The following PHF3 variants were observed in gnomAD, a reference collection of about 807,000 sequenced individuals.
The protein encoded by PHF3 is PHD finger protein 3.
In PHF3, 41 loss-of-function variants were observed where a neutral mutation model predicts 178.4. That is an observed-to-expected ratio of 0.23 (90% CI 0.18 to 0.30). The LOEUF (loss-of-function observed/expected upper bound fraction) is 0.30. PHF3 is among the 10% of genes least tolerant of loss of function. The pLI, the probability that PHF3 is intolerant of heterozygous loss-of-function variation, is 1.00. For synonymous variants in PHF3, 842 were observed against 800.5 expected (o/e 1.05, Z -0.88); for missense variants, 2,346 against 2,398.1 (o/e 0.98, Z 0.45).
chr6:63,706,422 G>A (rs879143482), intron 12 of PHF3, among the ~76,000 whole-genome samples, 198 bp downstream of exon 12: 3 of 152,152 alleles, frequency 2.0e-5, no homozygotes, highest in South Asian at 2.1e-4. Flanking sequence ...AGATTGGAGC[G>A]TGTGGGGAAA....
intron 4 of PHF3, among the ~76,000 whole-genome samples, chr6:63,688,197 A>T (rs1287983264): frequency 9.1e-6 from 1 of 110,322 alleles, no homozygotes; most frequent in East Asian, 2.7e-4. Flanking sequence ...AAAAAAAAAA[A>T]AAAGCCTATG....
chr6:63,684,991 G>T lies in PHF3; in HGVS notation c.1269G>T (p.Val423=), dbSNP rs769325218. ...STEFNKSNLE[V]VDTSTFGPES... ...AGTTTAATAAATCAAACTTAGAGGTGGTTGATACTAGTACTTTTGGACCGG... is the reference window on the plus strand; with the variant it reads ...AGTTTAATAAATCAAACTTAGAGGTTGTTGATACTAGTACTTTTGGACCGG... Residue 423 remains valine (V), a synonymous_variant, in exon 4 of 16, where the codon GTG becomes GTT. Transcript: ENST00000262043. 1.5e-5 allele frequency: 24 copies of T among 1,613,906 alleles called. No individual in the cohort carries two copies. The highest frequency in any genetic ancestry group is 2.0e-5 in the Non-Finnish European group (24 of 1,179,966).
At position 63,685,240 on chromosome 6, in the gene PHF3, G is replaced by T. The variant is rs149984169; in HGVS notation, c.1518G>T (p.Pro506=). The T allele has an allele frequency of 9.9e-6, 16 of 1,613,688 alleles. No individual in the cohort carries two copies. The African/African-American group carries it at 2.1e-4, about 22-fold the overall frequency. Residue 506 remains proline, a synonymous_variant, in exon 4 of 16, where the codon CCG becomes CCT. Transcript: ENST00000262043. ...AGCAAAACATGACCACAGATGCTCC[G>T]AAGAAAATTGTTGCAGCAAAGTATG... ...HSKQNMTTDA[P]KKIVAAKYEV...
intron 8 of PHF3, among the ~76,000 whole-genome samples, chr6:63,699,683 C>T (rs559625742): frequency 5.3e-5 from 8 of 152,096 alleles, no homozygotes; most frequent in East Asian, 1.9e-4. Context: ...CCTCCACTCC[C>T]GGGTTCAGAT....
intron 11 of PHF3, among the ~76,000 whole-genome samples, chr6:63,704,326 G>A (rs1767602492): frequency 2.0e-5 from 3 of 151,984 alleles, no homozygotes; most frequent in Admixed American, 1.3e-4. Context: ...GTGTAAAGAC[G>A]TGAATCTAGC....
At chr6:63,665,093 AG>A (rs2149560789) in intron 2 of PHF3, among the ~76,000 whole-genome samples, 1 of 152,268 alleles carries the variant, frequency 6.6e-6, no homozygotes. Context: ...ACATTTTTTA[AG>A]TGCCACATTT....
intron 1 of PHF3, among the ~76,000 whole-genome samples, chr6:63,640,460 A>G (rs987665155): frequency 2.0e-5 from 3 of 152,182 alleles, no homozygotes; most frequent in African/African-American, 4.8e-5. Flanking sequence ...GTACCTGCCT[A>G]ATGGTTTGGT....
At chr6:63,688,027 A>G (rs1766791718) in intron 4 of PHF3, among the ~76,000 whole-genome samples, 1 of 151,700 alleles carries the variant, frequency 6.6e-6, no homozygotes, top group Non-Finnish European at 1.5e-5. Flanking sequence ...TACTAAAAAT[A>G]CAAAAAATTA....
chr6:63,678,462 T>C (rs1029261989), intron 2 of PHF3, among the ~76,000 whole-genome samples: 2 of 152,186 alleles, frequency 1.3e-5, no homozygotes, highest in Non-Finnish European at 2.9e-5. Flanking sequence ...ATTTTTACTT[T>C]TATAATACAT....
chr6:63,692,186 TTTA>T, intron 5 of PHF3, 143 bp downstream of exon 5: 1 of 675,026 alleles, frequency 1.5e-6, no homozygotes. Flanking sequence ...TGAATAGGTT[TTTA>T]TTTAAAATTT....
chr6:63,699,217 A>G (rs1767367162), intron 8 of PHF3, among the ~76,000 whole-genome samples: 1 of 152,174 alleles, frequency 6.6e-6, no homozygotes, highest in Non-Finnish European at 1.5e-5. Flanking sequence ...AGCTCTCAAC[A>G]CCAAAAGTAG....
At chr6:63,650,424 AT>A (rs1764974287) in intron 2 of PHF3, among the ~76,000 whole-genome samples, 1 of 152,174 alleles carries the variant, frequency 6.6e-6, no homozygotes, top group African/African-American at 2.4e-5. Flanking sequence ...GTAATTGAGT[AT>A]TTTTTCAAGT....
chr6:63,687,780 G>C (rs1016491389), intron 4 of PHF3, among the ~76,000 whole-genome samples: 5 of 152,152 alleles, frequency 3.3e-5, no homozygotes, highest in African/African-American at 1.2e-4. Context: ...GTAGGTGTTA[G>C]TCCCTTTGTT....
intron 2 of PHF3, among the ~76,000 whole-genome samples, chr6:63,679,479 G>A (rs547080925): frequency 9.4e-4 from 142 of 150,554 alleles, no homozygotes; most frequent in African/African-American, 3.2e-3. Context: ...GTTTTTTTCC[G>A]TTTCTTCCTG....
At chr6:63,711,484 C>T (rs1767924412) in intron 15 of PHF3, 102 bp from the exon 16 acceptor site, 2 of 1,343,294 alleles carry the variant, frequency 1.5e-6, no homozygotes, top group East Asian at 2.3e-5. Context: ...TTGACAGGGC[C>T]AGGCACCATT....
At chr6:63,687,510 G>A (rs1202759650) in intron 4 of PHF3, among the ~76,000 whole-genome samples, 1 of 152,244 alleles carries the variant, frequency 6.6e-6, no homozygotes, top group Non-Finnish European at 1.5e-5. Context: ...GTGCTTTTAA[G>A]TGCTCCTTTA....
chr6:63,725,876 T>C lies in PHF3; in HGVS notation c.*12168T>C, dbSNP rs964461868. ...AGAGACAAGATCAAAGAAAGTCAAA[T>C]GTAAGATTTTAAAAATACTTAGCAA... On this transcript the variant is annotated 3_prime_UTR_variant, in exon 16 of 16. Coordinates refer to ENST00000262043, the MANE Select transcript of PHF3 (RefSeq NM_001370348.2). Among the ~76,000 whole-genome samples the C allele has an allele frequency of 7.2e-5, 11 of 152,148 alleles. No individual in the cohort carries two copies. Among genetic ancestry groups the C allele is most frequent in the African/African-American group, 1.9e-4 (8 of 41,448 alleles).
Position 63,721,385 on chromosome 6 carries a change from G to A in PHF3, c.*7677G>A, listed in dbSNP as rs1290089160. On this transcript the variant is annotated 3_prime_UTR_variant, in exon 16 of 16. Coordinates refer to ENST00000262043, the MANE Select transcript of PHF3 (RefSeq NM_001370348.2). ...TACATTCACCTCCATTTCTGCATGT[G>A]TTGTACCCACAGGCTGTCCCATCAC... The A allele has an allele frequency of 4.5e-6, 7 of 1,551,624 alleles. No homozygotes were observed. The highest frequency in any genetic ancestry group is 6.1e-6 in the Non-Finnish European group (7 of 1,146,938).
Position 63,724,292 on chromosome 6 carries a change from A to G in PHF3, c.*10584A>G, listed in dbSNP as rs1768528712. Among the ~76,000 whole-genome samples the G allele has an allele frequency of 6.6e-6, 1 of 152,176 alleles. No homozygotes were observed. Among genetic ancestry groups the G allele is most frequent in the African/African-American group, 2.4e-5 (1 of 41,444 alleles). ...ATCATCTGCTATCCCACCGTGCTTT[A>G]TTATAGATAAGAGAAACCTTGTAGG... On this transcript the variant is annotated 3_prime_UTR_variant, in exon 16 of 16. Coordinates refer to ENST00000262043, the MANE Select transcript of PHF3 (RefSeq NM_001370348.2).
Sources: gnomAD v4.1 joint callset for allele counts (sites outside exome capture counted in the v4.1 genomes callset) on GRCh38, gnomAD v4.1.1 for gene constraint, MANE v1.5 for transcripts, NCBI Gene and HGNC (gene_info 2026-07-23, HGNC 2026-07-21) for gene names.